Variants in CNTN5 observed in about 807,000 individuals in gnomAD.
CNTN5 encodes the protein contactin 5, also known as contactin-5.
A neutral mutation model predicts 129.1 loss-of-function variants in CNTN5; 77 were observed. That is an observed-to-expected ratio of 0.60 (90% CI 0.50 to 0.72). The LOEUF (loss-of-function observed/expected upper bound fraction) is 0.72. Ranked by LOEUF, CNTN5 falls within the 30% of genes least tolerant of loss-of-function variation. The probability of loss-of-function intolerance (pLI) is 0.00; values close to 1 mark genes in which losing one functional copy is unlikely to be tolerated. For missense variants in CNTN5, 1,478 were observed against 1,328.8 expected (o/e 1.11, Z -1.75); for synonymous variants, 509 against 465.6 (o/e 1.09, Z -1.20).
intron 1 of CNTN5, among the ~76,000 whole-genome samples, chr11:99,121,300 A>G (rs1858314761): frequency 6.6e-6 from 1 of 151,964 alleles, no homozygotes; most frequent in Non-Finnish European, 1.5e-5. Context: ...ATGCCCAGCT[A>G]ATTTTTGTAT....
At chr11:99,698,650 A>G (rs1032682925) in intron 3 of CNTN5, among the ~76,000 whole-genome samples, 10 of 151,596 alleles carry the variant, frequency 6.6e-5, no homozygotes, top group Admixed American at 4.0e-4. Context: ...CAGTAATTGC[A>G]TGGTAGTATT....
At chr11:100,110,452 G>C (rs1347925020) in intron 13 of CNTN5, among the ~76,000 whole-genome samples, 6 of 151,634 alleles carry the variant, frequency 4.0e-5, no homozygotes, top group Non-Finnish European at 8.8e-5. Context: ...ACATGGTTAA[G>C]CAATTTTCTG....
chr11:99,341,387 A>G (rs1866506460), intron 2 of CNTN5, among the ~76,000 whole-genome samples: 1 of 152,218 alleles, frequency 6.6e-6, no homozygotes, highest in Non-Finnish European at 1.5e-5. Context: ...TATTATTTCA[A>G]TAATTTCATA....
intron 1 of CNTN5, among the ~76,000 whole-genome samples, chr11:99,133,615 C>CAA (rs566769880): frequency 5.7e-5 from 6 of 106,002 alleles, no homozygotes; most frequent in African/African-American, 7.4e-5. Context: ...AGACACTTCT[C>CAA]AAGAAAAAAA....
chr11:99,766,430 G>T (rs1378278682), intron 3 of CNTN5, among the ~76,000 whole-genome samples: 1 of 151,970 alleles, frequency 6.6e-6, no homozygotes, highest in Admixed American at 6.6e-5. Flanking sequence ...AATTCCACTA[G>T]ATGGTAACAA....
intron 2 of CNTN5, among the ~76,000 whole-genome samples, chr11:99,554,732 A>G (rs1405540522): frequency 6.6e-6 from 1 of 152,090 alleles, no homozygotes; most frequent in Non-Finnish European, 1.5e-5. Context: ...TGCAGTTCTC[A>G]TGAGTCATAA....
intron 3 of CNTN5, among the ~76,000 whole-genome samples, chr11:99,781,259 T>C (rs1231653477): frequency 4.6e-5 from 7 of 152,088 alleles, no homozygotes; most frequent in Admixed American, 2.6e-4. Context: ...TTTAGATATA[T>C]GTATTGCTCA....
At chr11:99,849,273 A>G (rs1257770175) in intron 6 of CNTN5, among the ~76,000 whole-genome samples, 2 of 151,734 alleles carry the variant, frequency 1.3e-5, no homozygotes, top group African/African-American at 2.4e-5. Flanking sequence ...TTTGCATGAA[A>G]ATTACATATT....
chr11:99,949,122 C>T (rs1181647333), intron 7 of CNTN5, among the ~76,000 whole-genome samples: 3 of 152,170 alleles, frequency 2.0e-5, no homozygotes, highest in African/African-American at 7.2e-5. Flanking sequence ...CATCTTACCT[C>T]GCTTCTCTTA....
At chr11:100,037,578 G>T (rs1046528289) in intron 9 of CNTN5, among the ~76,000 whole-genome samples, 17 of 152,130 alleles carry the variant, frequency 1.1e-4, no homozygotes, top group African/African-American at 4.1e-4. Context: ...GTAGAATTCG[G>T]CTGTGAATCC....
intron 1 of CNTN5, among the ~76,000 whole-genome samples, chr11:99,217,187 T>C (rs1014008536): frequency 6.6e-5 from 10 of 151,704 alleles, no homozygotes; most frequent in African/African-American, 2.4e-4. Context: ...CTCAAATAAA[T>C]ACATAAATAA....
intron 3 of CNTN5, among the ~76,000 whole-genome samples, chr11:99,597,765 C>T (rs1004236898): frequency 3.3e-5 from 5 of 152,140 alleles, no homozygotes; most frequent in African/African-American, 1.2e-4. Flanking sequence ...AAGAATTCTA[C>T]AGAGAAATGA....
At chr11:99,659,618 T>G (rs1952522391) in intron 3 of CNTN5, among the ~76,000 whole-genome samples, 1 of 152,106 alleles carries the variant, frequency 6.6e-6, no homozygotes, top group Admixed American at 6.6e-5. Context: ...TAGGGAAAAG[T>G]TGATGTTGCA....
intron 3 of CNTN5, among the ~76,000 whole-genome samples, chr11:99,744,974 C>T (rs1420736703): frequency 6.6e-6 from 1 of 152,158 alleles, no homozygotes; most frequent in African/African-American, 2.4e-5. Flanking sequence ...TATTCGATAT[C>T]ACAATTACAA....
chr11:100,081,320 A>G (rs1944356367), intron 13 of CNTN5, among the ~76,000 whole-genome samples: 1 of 152,210 alleles, frequency 6.6e-6, no homozygotes, highest in Non-Finnish European at 1.5e-5. Context: ...TATAGAAATG[A>G]GCTAAATTAA....
chr11:99,282,706 T>TAATGATTTC (rs1416970962), intron 1 of CNTN5, among the ~76,000 whole-genome samples: 1 of 152,092 alleles, frequency 6.6e-6, no homozygotes, highest in Non-Finnish European at 1.5e-5. Flanking sequence ...GTTGTGTGGC[T>TAATGATTTC]AATGATTTCA....
intron 3 of CNTN5, among the ~76,000 whole-genome samples, chr11:99,621,804 C>G (rs1950960040): frequency 6.6e-6 from 1 of 152,170 alleles, no homozygotes; most frequent in Non-Finnish European, 1.5e-5. Flanking sequence ...TCCCAGCACT[C>G]TTATATTTGC....
chr11:100,277,282 T>C (rs112050556), intron 18 of CNTN5, among the ~76,000 whole-genome samples: 7 of 152,316 alleles, frequency 4.6e-5, no homozygotes, highest in African/African-American at 1.4e-4. Context: ...CTGCAATAAA[T>C]GTGGGAGTGC....
At chr11:100,070,856 T>C (rs1267787040) in intron 11 of CNTN5, among the ~76,000 whole-genome samples, 2 of 152,168 alleles carry the variant, frequency 1.3e-5, no homozygotes, top group Non-Finnish European at 2.9e-5. Flanking sequence ...TTCTTTAAAC[T>C]GTTTTCAATC....
Sources: gnomAD v4.1 joint callset for allele counts (sites outside exome capture counted in the v4.1 genomes callset) on GRCh38, gnomAD v4.1.1 for gene constraint, MANE v1.5 for transcripts, NCBI Gene and HGNC (gene_info 2026-07-23, HGNC 2026-07-21) for gene names.